The following STAT3 variants were observed in gnomAD, a reference collection of about 807,000 sequenced individuals.
STAT3 encodes signal transducer and activator of transcription 3.
Under a neutral mutation model 114.3 loss-of-function variants are expected in STAT3, and 7 were observed. The ratio of observed to expected loss-of-function variants is 0.06; its 90% confidence interval spans 0.03 to 0.11. STAT3 has a LOEUF of 0.11. Among genes scored for constraint, STAT3 ranks in the 10% least tolerant of loss-of-function variants. The probability of loss-of-function intolerance (pLI) is 1.00; values close to 1 mark genes in which losing one functional copy is unlikely to be tolerated. For synonymous variants in STAT3, 331 were observed against 354.5 expected (o/e 0.93, Z 0.74); for missense variants, 364 against 960.9 (o/e 0.38, Z 8.21).
chr17:42,367,294 G>A (rs2083855887), intron 1 of STAT3, among the ~76,000 whole-genome samples: 2 of 151,684 alleles, frequency 1.3e-5, no homozygotes, highest in African/African-American at 2.4e-5. Flanking sequence ...AGCCGAGATT[G>A]CGCCACTGCA....
rs555576176 is a variant in STAT3, at chr17:42,334,746, G to A, written c.798-697C>T. Among the ~76,000 whole-genome samples the A allele has an allele frequency of 6.6e-5, 10 of 152,142 alleles. No individual in the cohort carries two copies. The South Asian group carries it at 1.7e-3, about 25-fold the overall frequency. ...AGGTGTGAGCCACCATGCCTGGCCA[G>A]AAAATAATTTATTTTACCTTTTATT... On this transcript the variant is annotated intron_variant, in intron 8 of 23. Transcript: ENST00000264657.
chr17:42,347,792 C>T (rs1378466583), intron 2 of STAT3, among the ~76,000 whole-genome samples: 2 of 152,162 alleles, frequency 1.3e-5, no homozygotes, highest in Non-Finnish European at 2.9e-5. Flanking sequence ...CTTGCTCTTG[C>T]TGTGGCCATG....
chr17:42,354,616 A>G (rs1234552933), intron 1 of STAT3, among the ~76,000 whole-genome samples: 1 of 150,614 alleles, frequency 6.6e-6, no homozygotes, highest in African/African-American at 2.4e-5. Context: ...AGACCAGCCT[A>G]GCCAATATAG....
At chr17:42,354,166 T>C (rs2083107442) in intron 1 of STAT3, among the ~76,000 whole-genome samples, 3 of 150,036 alleles carry the variant, frequency 2.0e-5, no homozygotes, top group Admixed American at 6.6e-5. Context: ...GTACAATAAT[T>C]GTGTTCTTTT....
At position 42,325,059 on chromosome 17, in the gene STAT3, G is replaced by A. The variant is rs769425072; in HGVS notation, c.1368C>T (p.Thr456=). The change falls in exon 16 of 24, where the codon ACC becomes ACT. Residue 456 remains threonine, a splice_region_variant and synonymous_variant. Transcript: ENST00000264657. Reference sequence around the variant, plus strand: ...AGATCACCACAACTGGCAAGGAGTGGGTCTGCGGAGGGAGTGGGGACTGAG... The same window carrying A: ...AGATCACCACAACTGGCAAGGAGTGAGTCTGCGGAGGGAGTGGGGACTGAG... ...YHQGLKIDLE[T]HSLPVVVISN... The A allele has an allele frequency of 3.1e-6, 5 of 1,613,898 alleles. No homozygotes were observed. The highest frequency in any genetic ancestry group is 2.2e-5 in the East Asian group (1 of 44,876).
chr17:42,348,366 A>T, intron 2 of STAT3, 23 bp downstream of exon 2: 2 of 1,613,954 alleles, frequency 1.2e-6, no homozygotes, highest in Non-Finnish European at 1.7e-6. Flanking sequence ...AACAATTTGG[A>T]GAGTCACTTA....
At chr17:42,382,651 T>C (rs933237188) in intron 1 of STAT3, among the ~76,000 whole-genome samples, 1 of 150,450 alleles carries the variant, frequency 6.6e-6, no homozygotes, top group African/African-American at 2.5e-5. Flanking sequence ...TCCTTTTTTT[T>C]TTCTTTTTTT....
intron 1 of STAT3, among the ~76,000 whole-genome samples, chr17:42,380,718 C>T (rs2084743878): frequency 6.6e-6 from 1 of 152,102 alleles, no homozygotes; most frequent in South Asian, 2.1e-4. Flanking sequence ...AAGAGTAATT[C>T]AGCCTAGGCA....
intron 1 of STAT3, among the ~76,000 whole-genome samples, chr17:42,366,539 C>T (rs1177929907): frequency 2.0e-5 from 3 of 152,102 alleles, no homozygotes; most frequent in South Asian, 2.1e-4. Flanking sequence ...GATATAGTGG[C>T]GCAAGCCTGT....
At chr17:42,354,922 G>C (rs2083158799) in intron 1 of STAT3, among the ~76,000 whole-genome samples, 1 of 151,882 alleles carries the variant, frequency 6.6e-6, no homozygotes, top group African/African-American at 2.4e-5. Context: ...GAAAATAAAA[G>C]TATAACTTAA....
chr17:42,381,800 G>C (rs2084817557), intron 1 of STAT3, among the ~76,000 whole-genome samples: 1 of 151,076 alleles, frequency 6.6e-6, no homozygotes, highest in African/African-American at 2.4e-5. Flanking sequence ...AGAAAGGGCT[G>C]CAAAAAATCT....
At chr17:42,316,244 T>G in intron 23 of STAT3, 1 of 391,070 alleles carries the variant, frequency 2.6e-6, no homozygotes, top group Non-Finnish European at 4.2e-6. Flanking sequence ...TAGTTTAGTT[T>G]TGTTTATTTG....
At chr17:42,351,424 C>T (rs771444082) in intron 1 of STAT3, among the ~76,000 whole-genome samples, 1 of 151,824 alleles carries the variant, frequency 6.6e-6, no homozygotes, top group African/African-American at 2.4e-5. Flanking sequence ...TTTGTAGAGA[C>T]GGGGTCCTAC....
chr17:42,319,945 T>G (rs2081402977), intron 21 of STAT3, among the ~76,000 whole-genome samples: 1 of 152,132 alleles, frequency 6.6e-6, no homozygotes, highest in African/African-American at 2.4e-5. Context: ...GCCTGGCCCC[T>G]GAGGAAACGC....
chr17:42,319,628 A>G (rs549698613), intron 21 of STAT3, among the ~76,000 whole-genome samples: 1 of 151,282 alleles, frequency 6.6e-6, no homozygotes, highest in South Asian at 2.1e-4. Flanking sequence ...ACTTTATCTA[A>G]TTTGTAAGTG....
intron 21 of STAT3, among the ~76,000 whole-genome samples, chr17:42,319,595 G>A (rs928719508): frequency 6.7e-6 from 1 of 149,892 alleles, no homozygotes; most frequent in African/African-American, 2.5e-5. Context: ...TCATTGTGTG[G>A]CTTTGTACAA....
intron 1 of STAT3, among the ~76,000 whole-genome samples, chr17:42,378,309 G>A (rs1359089031): frequency 2.0e-5 from 3 of 151,914 alleles, no homozygotes; most frequent in Non-Finnish European, 4.4e-5. Context: ...GCAGTGGCAC[G>A]ATCTCGACTC....
intron 4 of STAT3, among the ~76,000 whole-genome samples, chr17:42,343,728 C>G (rs2082561016): frequency 6.6e-6 from 1 of 152,148 alleles, no homozygotes; most frequent in South Asian, 2.1e-4. Flanking sequence ...GCTTGGATTA[C>G]AGGCGTGAGA....
intron 14 of STAT3, 57 bp downstream of exon 14, chr17:42,329,353 C>A (rs2144764113): frequency 6.3e-7 from 1 of 1,599,354 alleles, no homozygotes; most frequent in Non-Finnish European, 8.5e-7. Context: ...AGGATCTTTA[C>A]CCCTCTCTCC....
Sources: gnomAD v4.1 joint callset for allele counts (sites outside exome capture counted in the v4.1 genomes callset) on GRCh38, gnomAD v4.1.1 for gene constraint, MANE v1.5 for transcripts, NCBI Gene and HGNC (gene_info 2026-07-23, HGNC 2026-07-21) for gene names.